Variants in SEMA3A observed in about 807,000 individuals in gnomAD.
SEMA3A encodes the protein semaphorin 3A, also known as semaphorin-3A.
SEMA3A carries 29 observed loss-of-function variants against 97.9 expected under a neutral mutation model. The observed-to-expected ratio is 0.30, with a 90% CI of 0.22 to 0.40. SEMA3A has a LOEUF of 0.40. SEMA3A is among the 10% of genes least tolerant of loss of function. The pLI is 1.00. For missense variants in SEMA3A, 763 were observed against 951.3 expected, an observed-to-expected ratio of 0.80 and a Z score of 2.60; for synonymous variants, 321 against 323.7, an observed-to-expected ratio of 0.99 and a Z score of 0.09.
intron 1 of SEMA3A, among the ~76,000 whole-genome samples, chr7:84,469,878 A>G (rs1451766746): frequency 6.6e-6 from 1 of 151,962 alleles, no homozygotes. Flanking sequence ...GTTCCAAATC[A>G]TGTTGATAGT....
chr7:84,349,792 A>G (rs549034462), intron 2 of SEMA3A, among the ~76,000 whole-genome samples: 1 of 152,304 alleles, frequency 6.6e-6, no homozygotes, highest in African/African-American at 2.4e-5. Flanking sequence ...TTGTCTTAGA[A>G]TAAGTTATAG....
rs532688388 is a variant in SEMA3A at position 84,328,918 on chromosome 7, T to C, written c.-168-21626A>G. 6.6e-5 allele frequency among the ~76,000 whole-genome samples: 10 copies of C among 152,124 alleles called. No individual in the cohort carries two copies. In the South Asian group the frequency reaches 2.1e-3, roughly 32 times the overall value. On this transcript the variant is annotated intron_variant, in intron 2 of 3. Coordinates refer to the SEMA3A transcript ENST00000424555. The stretch of plus-strand genomic sequence containing the variant: ...GAAATAATTTCAACTTCCTCTCACA[T>C]ATAATTTCCTAACAGAGGTCATTTT...
intron 3 of SEMA3A, among the ~76,000 whole-genome samples, chr7:84,227,920 T>C (rs1799027200): frequency 6.6e-6 from 1 of 151,614 alleles, no homozygotes; most frequent in Non-Finnish European, 1.5e-5. Context: ...TGCGTGTGTG[T>C]GTCAGGGAGT....
intron 4 of SEMA3A, among the ~76,000 whole-genome samples, chr7:84,095,289 C>T (rs1794727677): frequency 7.0e-6 from 1 of 142,170 alleles, no homozygotes; most frequent in African/African-American, 2.6e-5. Context: ...ATATATATGG[C>T]ATTATATGTA....
intron 1 of SEMA3A, among the ~76,000 whole-genome samples, chr7:84,390,783 C>T (rs1352849609): frequency 6.6e-6 from 1 of 152,056 alleles, no homozygotes; most frequent in Non-Finnish European, 1.5e-5. Flanking sequence ...GAACTGTTAA[C>T]TGAATCATTT....
intron 3 of SEMA3A, among the ~76,000 whole-genome samples, chr7:84,252,200 G>C (rs1288401392): frequency 6.6e-6 from 1 of 152,128 alleles, no homozygotes; most frequent in Non-Finnish European, 1.5e-5. Context: ...TGTTCAGGAG[G>C]AGTAAGATCA....
At chr7:84,407,512 A>G (rs1459884935) in intron 1 of SEMA3A, among the ~76,000 whole-genome samples, 1 of 151,990 alleles carries the variant, frequency 6.6e-6, no homozygotes, top group Non-Finnish European at 1.5e-5. Context: ...CAAGTTACCA[A>G]TGACTTTCTT....
intron 1 of SEMA3A, among the ~76,000 whole-genome samples, chr7:84,155,306 G>A (rs777931170): frequency 6.6e-6 from 1 of 152,064 alleles, no homozygotes; most frequent in Non-Finnish European, 1.5e-5. Context: ...ATCTCACATT[G>A]AATTTTCATA....
intron 4 of SEMA3A, 27 bp from the exon 5 acceptor site, chr7:84,060,585 AG>A (rs1334597190): frequency 1.4e-6 from 2 of 1,470,818 alleles, no homozygotes; most frequent in Non-Finnish European, 1.8e-6. Flanking sequence ...GAAAGAGAAA[AG>A]GGTTTCCTTT....
intron 1 of SEMA3A, among the ~76,000 whole-genome samples, chr7:84,397,792 GA>G (rs1290711407): frequency 6.6e-6 from 1 of 152,016 alleles, no homozygotes; most frequent in African/African-American, 2.4e-5. Context: ...AAGTAGTTTT[GA>G]AAAGTTTAGT....
chr7:84,465,399 A>C (rs906341599), intron 1 of SEMA3A, among the ~76,000 whole-genome samples: 10 of 152,130 alleles, frequency 6.6e-5, no homozygotes, highest in Non-Finnish European at 1.2e-4. Context: ...CAACTGCTAA[A>C]TTATCTGAGG....
intron 3 of SEMA3A, among the ~76,000 whole-genome samples, chr7:84,270,091 C>A (rs1800104942): frequency 6.6e-6 from 1 of 151,994 alleles, no homozygotes; most frequent in Non-Finnish European, 1.5e-5. Context: ...GAGGTAAGAT[C>A]AGTTTTCAAA....
intron 1 of SEMA3A, among the ~76,000 whole-genome samples, chr7:84,180,034 C>T (rs1170296080): frequency 6.7e-6 from 1 of 148,856 alleles, no homozygotes; most frequent in African/African-American, 2.5e-5. Context: ...ACAACCTCCA[C>T]CTCCCGGGTT....
chr7:84,367,413 T>C (rs974457018), intron 2 of SEMA3A, among the ~76,000 whole-genome samples: 2 of 151,254 alleles, frequency 1.3e-5, no homozygotes, highest in Non-Finnish European at 3.0e-5. Flanking sequence ...CCTAAATATA[T>C]TTAAAGAGCT....
At chr7:84,113,528 AT>A (rs1398124329) in intron 3 of SEMA3A, among the ~76,000 whole-genome samples, 1 of 152,166 alleles carries the variant, frequency 6.6e-6, no homozygotes, top group Admixed American at 6.5e-5. Flanking sequence ...AACCATGACG[AT>A]TCTTAAAACT....
At chr7:84,060,083 A>C (rs539945306) in intron 5 of SEMA3A, among the ~76,000 whole-genome samples, 271 of 152,318 alleles carry the variant, frequency 1.8e-3, no homozygotes, top group Middle Eastern at 3.4e-3. Flanking sequence ...TTTTCCAAAA[A>C]AGAAGAGCTA....
At chr7:84,170,583 GAATAC>G (rs1488377632) in intron 1 of SEMA3A, among the ~76,000 whole-genome samples, 1 of 151,900 alleles carries the variant, frequency 6.6e-6, no homozygotes, top group Non-Finnish European at 1.5e-5. Context: ...TTTTCAAATG[GAATAC>G]AACAACTGAA....
intron 3 of SEMA3A, among the ~76,000 whole-genome samples, chr7:84,293,421 T>A (rs928988751): frequency 1.3e-5 from 2 of 152,044 alleles, no homozygotes; most frequent in East Asian, 3.8e-4. Flanking sequence ...GTATTTGGCA[T>A]GTAGACTAGG....
At chr7:84,089,515 A>G (rs1794495665) in intron 4 of SEMA3A, among the ~76,000 whole-genome samples, 1 of 121,044 alleles carries the variant, frequency 8.3e-6, no homozygotes, top group African/African-American at 2.5e-5. Flanking sequence ...GGAGTCAACC[A>G]TATAAGTCTG....
Sources: allele counts gnomAD v4.1 joint callset (sites outside exome capture counted in the v4.1 genomes callset), GRCh38; gene constraint gnomAD v4.1.1; transcripts MANE v1.5; gene names NCBI Gene and HGNC (gene_info 2026-07-23, HGNC 2026-07-21).